PTPRD: variants seen among roughly 807,000 people sequenced by gnomAD.
The protein encoded by PTPRD is protein tyrosine phosphatase receptor type D.
Under a neutral mutation model 214.5 loss-of-function variants are expected in PTPRD, and 34 were observed. The ratio of observed to expected loss-of-function variants is 0.16; its 90% CI spans 0.12 to 0.21. The LOEUF (loss-of-function observed/expected upper bound fraction) is 0.21. PTPRD is among the 10% of genes least tolerant of loss of function. The pLI is 1.00. For synonymous variants in PTPRD, 1,128 were observed against 845.7 expected (o/e 1.33, Z -5.79); for missense variants, 2,545 against 2,398.7 (o/e 1.06, Z -1.27).
chr9:9,900,642 T>TTTTTTTTTTTGTTTTTTG lies in PTPRD; in HGVS notation c.-368+37864_-368+37865insCAAAAAACAAAAAAAAAA, dbSNP rs1491352268. 8.6e-4 allele frequency among the ~76,000 whole-genome samples: 101 copies of TTTTTTTTTTTGTTTTTTG among 116,940 alleles called. No individual in the cohort carries two copies. In the East Asian group the frequency reaches 0.013, roughly 15 times the overall value. The allele number at this position is 116,940 out of a possible 152,430, so 76.7% of individuals were successfully genotyped here. The stretch of plus-strand genomic sequence containing the variant: ...CCAAAGGTGCTTCCACATTTTCAGG[T>TTTTTTTTTTTGTTTTTTG]TTTTTTTTTTTTTGAGATGGAGTCT... On this transcript the variant is annotated intron_variant, in intron 5 of 45. Transcript: ENST00000381196.
chr9:9,168,343 T>C (rs1365438961), intron 10 of PTPRD, among the ~76,000 whole-genome samples: 1 of 152,222 alleles, frequency 6.6e-6, no homozygotes, highest in Non-Finnish European at 1.5e-5. Flanking sequence ...TTTATTCATT[T>C]TTTTATCTTG....
intron 3 of PTPRD, among the ~76,000 whole-genome samples, chr9:10,326,753 GTATAT>G (rs2096650328): frequency 6.6e-6 from 1 of 151,262 alleles, no homozygotes; most frequent in Non-Finnish European, 1.5e-5. Context: ...TTGTGTTTTT[GTATAT>G]TATAATATTT....
chr9:9,274,225 A>G (rs569291097), intron 9 of PTPRD, among the ~76,000 whole-genome samples: 5 of 151,386 alleles, frequency 3.3e-5, no homozygotes, highest in African/African-American at 1.2e-4. Context: ...TGTACATGGT[A>G]TAACATATAC....
intron 11 of PTPRD, chr9:8,858,043 C>T (rs118166957): frequency 0.15 from 24,417 of 160,488 alleles, 2,010 homozygotes; most frequent in East Asian, 0.27. Flanking sequence ...CTCCTGCTCG[C>T]CCTGCGCCCG....
chr9:8,952,258 T>A lies in PTPRD; in HGVS notation c.-104+66439A>T, dbSNP rs190773844. ...ATTTGTTGAAGAAACAAACTGATAA[T>A]TAATGTATGTTCTTACATGTCAAAT... On this transcript the variant is annotated intron_variant, in intron 11 of 45. Transcript: ENST00000381196. Among the ~76,000 whole-genome samples, 192 of 152,040 alleles carry A rather than the reference T, an allele frequency of 1.3e-3. 2 individuals are homozygous for A. Among genetic ancestry groups the A allele is most frequent in the Non-Finnish European group, 2.1e-3 (142 of 67,910 alleles).
At chr9:8,804,733 G>C (rs911048141) in intron 11 of PTPRD, among the ~76,000 whole-genome samples, 2 of 151,334 alleles carry the variant, frequency 1.3e-5, no homozygotes, top group East Asian at 3.9e-4. Context: ...TAGTTCCACA[G>C]ACCTTGATGA....
chr9:9,775,831 C>A (rs2098793866), intron 5 of PTPRD, among the ~76,000 whole-genome samples: 1 of 151,876 alleles, frequency 6.6e-6, no homozygotes, highest in Non-Finnish European at 1.5e-5. Context: ...TGGCGGACGC[C>A]TGCAGTCCCA....
chr9:8,817,969 T>A (rs1052696451), intron 11 of PTPRD, among the ~76,000 whole-genome samples: 1 of 152,192 alleles, frequency 6.6e-6, no homozygotes, highest in African/African-American at 2.4e-5. Context: ...TCAATACCAT[T>A]AAACATAAAT....
At chr9:8,662,042 G>T (rs1485862362) in intron 12 of PTPRD, among the ~76,000 whole-genome samples, 1 of 152,098 alleles carries the variant, frequency 6.6e-6, no homozygotes, top group Non-Finnish European at 1.5e-5. Flanking sequence ...TCAGCCTCCT[G>T]AGTGGCTGGG....
intron 3 of PTPRD, among the ~76,000 whole-genome samples, chr9:10,146,774 A>AG (rs2099025668): frequency 1.3e-5 from 2 of 151,246 alleles, no homozygotes; most frequent in Admixed American, 6.6e-5. Context: ...GAATGGGAGA[A>AG]GAAAAAAAAG....
intron 2 of PTPRD, among the ~76,000 whole-genome samples, chr9:10,533,343 A>T (rs537788346): frequency 6.6e-6 from 1 of 152,278 alleles, no homozygotes; most frequent in Non-Finnish European, 1.5e-5. Flanking sequence ...GCCATCATAC[A>T]TCACTTATGT....
At chr9:9,531,098 A>T (rs1473912009) in intron 8 of PTPRD, among the ~76,000 whole-genome samples, 2 of 152,166 alleles carry the variant, frequency 1.3e-5, no homozygotes, top group African/African-American at 4.8e-5. Context: ...AAATGCCTTG[A>T]CTTCATCCTT....
chr9:9,688,254 T>C (rs544691559), intron 7 of PTPRD, among the ~76,000 whole-genome samples: 5 of 151,948 alleles, frequency 3.3e-5, no homozygotes, highest in Admixed American at 1.3e-4. Context: ...AAAACCAAAA[T>C]CCTAGAAATA....
chr9:10,071,692 T>C (rs1023482577), intron 3 of PTPRD, among the ~76,000 whole-genome samples: 5 of 151,538 alleles, frequency 3.3e-5, no homozygotes, highest in African/African-American at 1.2e-4. Context: ...GAATAAAACA[T>C]GAGAAAAATT....
chr9:9,273,993 G>C (rs529039806), intron 9 of PTPRD, among the ~76,000 whole-genome samples: 5 of 151,214 alleles, frequency 3.3e-5, no homozygotes, highest in Admixed American at 3.3e-4. Context: ...CTTACATCCT[G>C]CCACATCCTC....
intron 3 of PTPRD, among the ~76,000 whole-genome samples, chr9:10,186,929 T>C (rs929297370): frequency 1.3e-5 from 2 of 152,192 alleles, no homozygotes; most frequent in Non-Finnish European, 2.9e-5. Flanking sequence ...CCATGATTAA[T>C]GTTCTTGAGA....
chr9:8,573,035 T>A (rs1196519664), intron 14 of PTPRD, among the ~76,000 whole-genome samples: 1 of 152,034 alleles, frequency 6.6e-6, no homozygotes, highest in African/African-American at 2.4e-5. Context: ...GCTACATATT[T>A]TTGTTCATGA....
chr9:10,063,315 C>A (rs965025246), intron 3 of PTPRD, among the ~76,000 whole-genome samples: 3 of 152,010 alleles, frequency 2.0e-5, no homozygotes, highest in Non-Finnish European at 4.4e-5. Flanking sequence ...ATTTCTCATC[C>A]TTTCTTAAGA....
chr9:10,094,665 G>A (rs1202383835), intron 3 of PTPRD, among the ~76,000 whole-genome samples: 1 of 149,976 alleles, frequency 6.7e-6, no homozygotes, highest in Non-Finnish European at 1.5e-5. Context: ...ATCATGTTTA[G>A]TTTATGTAAA....
Sources: gnomAD v4.1 joint callset for allele counts (sites outside exome capture counted in the v4.1 genomes callset) on GRCh38, gnomAD v4.1.1 for gene constraint, MANE v1.5 for transcripts, NCBI Gene and HGNC (gene_info 2026-07-23, HGNC 2026-07-21) for gene names.